Variants in KIAA0232 observed in about 807,000 individuals in gnomAD.
KIAA0232 encodes the protein uncharacterized protein KIAA0232.
In KIAA0232, 27 loss-of-function variants were observed where a neutral mutation model predicts 122.0. That is an observed-to-expected ratio of 0.22 (90% CI 0.16 to 0.31). The LOEUF (loss-of-function observed/expected upper bound fraction) is 0.31. KIAA0232 is among the 10% of genes least tolerant of loss of function. The pLI, the probability that KIAA0232 is intolerant of heterozygous loss-of-function variation, is 1.00. For missense variants in KIAA0232, 1,551 were observed against 1,634.2 expected (o/e 0.95, Z 0.88); for synonymous variants, 613 against 587.6 (o/e 1.04, Z -0.63).
Position 6,862,906 on chromosome 4 carries a change from GA to G in KIAA0232, c.2527del (p.Ile843Ter). 6.2e-7 allele frequency: 1 copy of G among 1,614,218 alleles called. No homozygotes were observed. The highest frequency in any genetic ancestry group is 2.2e-5 in the East Asian group (1 of 44,890). On this transcript the variant is annotated frameshift_variant, in exon 7 of 10. Coordinates refer to ENST00000307659, the MANE Select transcript of KIAA0232 (RefSeq NM_014743.3). LOFTEE classifies it high-confidence loss of function. ...MADTNSVATV[E>X]IERTDAELFS... ...AGACACAAATTCTGTGGCTACAGTA[GA>G]AATAGAAAGAACTGATGCTGAGTTG...
Position 6,808,270 on chromosome 4 carries a change from T to C in KIAA0232, c.-270+3664T>C, listed in dbSNP as rs187959543. Among the ~76,000 whole-genome samples, 46 of 151,940 alleles carry C rather than the reference T, an allele frequency of 3.0e-4. No homozygotes were observed. In the East Asian group the frequency reaches 5.2e-3, roughly 17 times the overall value. ...CTATATTCTTTCTTTTACTTTATGTTATATATCCTTTATGCCTTCCCCCTC... is the reference window on the plus strand; with the variant it reads ...CTATATTCTTTCTTTTACTTTATGTCATATATCCTTTATGCCTTCCCCCTC... On this transcript the variant is annotated intron_variant, in intron 2 of 9. Transcript: ENST00000307659.
chr4:6,826,320 A>G (rs942933497), intron 3 of KIAA0232, among the ~76,000 whole-genome samples: 6 of 152,176 alleles, frequency 3.9e-5, no homozygotes, highest in African/African-American at 1.4e-4. Context: ...AGTATTTTGT[A>G]TAATTTCCTT....
chr4:6,861,492 A>G lies in KIAA0232; in HGVS notation c.1110A>G (p.Leu370=). 1 of 1,614,202 alleles carries G rather than the reference A, an allele frequency of 6.2e-7. No homozygotes were observed. Among genetic ancestry groups the G allele is most frequent in the East Asian group, 2.2e-5 (1 of 44,884 alleles). ...TGTGCAAGCGGGGTAAGAGACCTTTAAAAGAAATAGGGAGAAAAGATCCTG... is the reference window on the plus strand; with the variant it reads ...TGTGCAAGCGGGGTAAGAGACCTTTGAAAGAAATAGGGAGAAAAGATCCTG... ...KQLCKRGKRP[L]KEIGRKDPGS... Residue 370 remains leucine, a synonymous_variant, in exon 7 of 10, where the codon TTA becomes TTG. Coordinates refer to ENST00000307659, the MANE Select transcript of KIAA0232 (RefSeq NM_014743.3).
chr4:6,872,788 C>T (rs1156962961), intron 8 of KIAA0232, among the ~76,000 whole-genome samples: 3 of 152,242 alleles, frequency 2.0e-5, no homozygotes, highest in African/African-American at 7.2e-5. Context: ...TCACTAGCCA[C>T]GATGCCCTGC....
At chr4:6,810,147 T>C (rs976314540) in intron 2 of KIAA0232, among the ~76,000 whole-genome samples, 1 of 152,128 alleles carries the variant, frequency 6.6e-6, no homozygotes, top group African/African-American at 2.4e-5. Flanking sequence ...AGAACAAAGC[T>C]GGGGGTATCA....
At chr4:6,844,274 C>T (rs1719836967) in intron 4 of KIAA0232, among the ~76,000 whole-genome samples, 1 of 151,806 alleles carries the variant, frequency 6.6e-6, no homozygotes, top group African/African-American at 2.4e-5. Context: ...TACTGCCTAG[C>T]ACAGTGAGTG....
intron 7 of KIAA0232, among the ~76,000 whole-genome samples, chr4:6,864,774 T>G (rs530605138): frequency 6.6e-6 from 1 of 151,538 alleles, no homozygotes; most frequent in Non-Finnish European, 1.5e-5. Context: ...TGTATTATGC[T>G]TAAAGCAAAA....
chr4:6,800,659 C>T (rs555671524), intron 1 of KIAA0232, among the ~76,000 whole-genome samples: 1 of 149,690 alleles, frequency 6.7e-6, no homozygotes, highest in Non-Finnish European at 1.5e-5. Context: ...GCAGCCTGGG[C>T]GACAGAGGGA....
intron 2 of KIAA0232, among the ~76,000 whole-genome samples, chr4:6,821,410 TATC>T (rs2109020803): frequency 1.3e-5 from 2 of 152,186 alleles, no homozygotes; most frequent in Non-Finnish European, 2.9e-5. Context: ...AGTCCACTGG[TATC>T]ATTCTTATGC....
intron 4 of KIAA0232, among the ~76,000 whole-genome samples, chr4:6,852,717 G>A (rs1239614897): frequency 6.6e-6 from 1 of 152,232 alleles, no homozygotes; most frequent in Non-Finnish European, 1.5e-5. Context: ...GGCTCAGCTG[G>A]GAGGTTCTTC....
At chr4:6,801,933 C>G (rs781184901) in intron 1 of KIAA0232, among the ~76,000 whole-genome samples, 17 of 152,054 alleles carry the variant, frequency 1.1e-4, no homozygotes, top group Non-Finnish European at 2.2e-4. Flanking sequence ...GTTTGTATCC[C>G]TCACTGTGTA....
intron 5 of KIAA0232, 150 bp downstream of exon 5, chr4:6,857,380 A>G (rs558407660): frequency 1.8e-5 from 10 of 546,770 alleles, no homozygotes; most frequent in South Asian, 3.3e-5. Flanking sequence ...CTCATGCTCC[A>G]TCTGCAGCTC....
chr4:6,809,475 G>A (rs2108964199), intron 2 of KIAA0232, among the ~76,000 whole-genome samples: 1 of 152,224 alleles, frequency 6.6e-6, no homozygotes, highest in East Asian at 1.9e-4. Context: ...GTCACCCTGT[G>A]TCCCAGAATG....
chr4:6,810,329 G>C (rs1717820421), intron 2 of KIAA0232, among the ~76,000 whole-genome samples: 1 of 152,114 alleles, frequency 6.6e-6, no homozygotes, highest in Non-Finnish European at 1.5e-5. Context: ...ATCAGAGAAA[G>C]GATACCCTCT....
intron 8 of KIAA0232, among the ~76,000 whole-genome samples, chr4:6,872,502 G>A (rs1408169807): frequency 6.6e-6 from 1 of 152,188 alleles, no homozygotes; most frequent in Non-Finnish European, 1.5e-5. Context: ...AGGCCTTCCA[G>A]GTAGACACCC....
At chr4:6,809,251 T>C (rs745813328) in intron 2 of KIAA0232, among the ~76,000 whole-genome samples, 1 of 152,190 alleles carries the variant, frequency 6.6e-6, no homozygotes, top group Non-Finnish European at 1.5e-5. Context: ...TCCTTAATAT[T>C]AACAGCCTCA....
chr4:6,837,207 G>A (rs1434651836), intron 3 of KIAA0232, among the ~76,000 whole-genome samples: 1 of 151,136 alleles, frequency 6.6e-6, no homozygotes, highest in Non-Finnish European at 1.5e-5. Flanking sequence ...GGCGGCTGCC[G>A]GGCGGAGGGG....
chr4:6,869,072 G>A (rs181062589), intron 7 of KIAA0232, among the ~76,000 whole-genome samples: 31 of 152,280 alleles, frequency 2.0e-4, no homozygotes, highest in Non-Finnish European at 4.0e-4. Context: ...TGAGGAAGAC[G>A]TGGTCCCGCC....
intron 4 of KIAA0232, among the ~76,000 whole-genome samples, chr4:6,852,245 A>T (rs1274876173): frequency 1.3e-5 from 2 of 152,168 alleles, no homozygotes; most frequent in East Asian, 3.8e-4. Flanking sequence ...GCCTTGGCAG[A>T]AACAGCTTTT....
Sources: allele counts gnomAD v4.1 joint callset (sites outside exome capture counted in the v4.1 genomes callset), GRCh38; gene constraint gnomAD v4.1.1; transcripts MANE v1.5; gene names NCBI Gene and HGNC (gene_info 2026-07-23, HGNC 2026-07-21).